The following DTNBP1 variants were observed in gnomAD, a reference collection of about 807,000 sequenced individuals.
DTNBP1 encodes dysbindin.
In DTNBP1, 35 loss-of-function variants were observed where a neutral mutation model predicts 42.8. The observed-to-expected ratio is 0.82, with a 90% CI of 0.63 to 1.09. The LOEUF (loss-of-function observed/expected upper bound fraction) is 1.09. DTNBP1 is among the 50% of genes least tolerant of loss of function. DTNBP1 has a pLI of 0.00. For missense variants in DTNBP1, 457 were observed against 424.2 expected (o/e 1.08, Z -0.68); for synonymous variants, 171 against 162.2 (o/e 1.05, Z -0.41).
chr6:15,547,290 A>G (rs1773938363), intron 7 of DTNBP1, among the ~76,000 whole-genome samples: 1 of 152,206 alleles, frequency 6.6e-6, no homozygotes, highest in Admixed American at 6.5e-5. Context: ...CAGCATCAAA[A>G]TCACCTACAG....
intron 3 of DTNBP1, among the ~76,000 whole-genome samples, chr6:15,641,286 A>C (rs1581426465): frequency 6.6e-6 from 1 of 152,226 alleles, no homozygotes; most frequent in Admixed American, 6.5e-5. Context: ...TTCTCAAAAA[A>C]TAGATCAAAG....
intron 6 of DTNBP1, among the ~76,000 whole-genome samples, chr6:15,611,335 A>C (rs1758384480): frequency 6.6e-6 from 1 of 152,240 alleles, no homozygotes; most frequent in Non-Finnish European, 1.5e-5. Context: ...CTCAGAAAAA[A>C]AAAACAAATT....
chr6:15,574,074 G>A (rs1211524019), intron 7 of DTNBP1, among the ~76,000 whole-genome samples: 2 of 152,158 alleles, frequency 1.3e-5, no homozygotes, highest in African/African-American at 2.4e-5. Flanking sequence ...TCATGTCTCG[G>A]GAGATGCTCA....
intron 9 of DTNBP1, 174 bp downstream of exon 9, chr6:15,524,352 C>G (rs766740714): frequency 6.2e-7 from 1 of 1,613,186 alleles, no homozygotes; most frequent in Non-Finnish European, 8.5e-7. Context: ...AACCACACCA[C>G]TGTTGCAGCT....
intron 6 of DTNBP1, among the ~76,000 whole-genome samples, chr6:15,607,486 G>C (rs1758142066): frequency 6.6e-6 from 1 of 152,014 alleles, no homozygotes; most frequent in Non-Finnish European, 1.5e-5. Flanking sequence ...ATTTTTAGTA[G>C]AGATGGGGTT....
intron 8 of DTNBP1, among the ~76,000 whole-genome samples, chr6:15,530,151 G>A (rs942303807): frequency 6.6e-6 from 1 of 152,272 alleles, no homozygotes; most frequent in Non-Finnish European, 1.5e-5. Flanking sequence ...CATGTTCGCT[G>A]TAGAGTTTTT....
At chr6:15,585,988 C>T in intron 7 of DTNBP1, 1 of 1,292,706 alleles carries the variant, frequency 7.7e-7, no homozygotes, top group Non-Finnish European at 9.8e-7. Context: ...AAGCAAAATG[C>T]AAGCTCTCAG....
chr6:15,542,702 T>C (rs1773646175), intron 7 of DTNBP1, among the ~76,000 whole-genome samples: 1 of 152,034 alleles, frequency 6.6e-6, no homozygotes, highest in Non-Finnish European at 1.5e-5. Flanking sequence ...TTTGCATTTT[T>C]TTCTTTTTAG....
At chr6:15,634,813 C>A (rs902804204) in intron 4 of DTNBP1, among the ~76,000 whole-genome samples, 1 of 152,180 alleles carries the variant, frequency 6.6e-6, no homozygotes, top group African/African-American at 2.4e-5. Flanking sequence ...TTTAACCCCA[C>A]AAATTAGATA....
chr6:15,536,683 G>A (rs959572853), intron 7 of DTNBP1, among the ~76,000 whole-genome samples: 1 of 152,248 alleles, frequency 6.6e-6, no homozygotes, highest in Non-Finnish European at 1.5e-5. Context: ...TAAATGTGGG[G>A]TTGCTGCCCC....
At chr6:15,538,329 GAGC>G (rs1236611780) in intron 7 of DTNBP1, among the ~76,000 whole-genome samples, 1 of 152,170 alleles carries the variant, frequency 6.6e-6, no homozygotes, top group Non-Finnish European at 1.5e-5. Context: ...CTGGGGCTGA[GAGC>G]ATCCCCGGGC....
intron 1 of DTNBP1, among the ~76,000 whole-genome samples, chr6:15,657,394 A>G (rs766276747): frequency 6.6e-6 from 1 of 152,032 alleles, no homozygotes; most frequent in Non-Finnish European, 1.5e-5. Flanking sequence ...CACCTTTTTC[A>G]TCTCCCACTG....
chr6:15,570,553 G>A (rs974944134), intron 7 of DTNBP1, among the ~76,000 whole-genome samples: 1 of 152,210 alleles, frequency 6.6e-6, no homozygotes, highest in Non-Finnish European at 1.5e-5. Context: ...ACCTGGCTGG[G>A]AACCAGGGTG....
At chr6:15,543,452 T>C (rs1773694586) in intron 7 of DTNBP1, among the ~76,000 whole-genome samples, 1 of 152,316 alleles carries the variant, frequency 6.6e-6, no homozygotes, top group African/African-American at 2.4e-5. Context: ...ATGCATAGCC[T>C]TGTGTAAGCA....
chr6:15,579,166 T>A (rs888497621), intron 7 of DTNBP1, among the ~76,000 whole-genome samples: 1 of 152,134 alleles, frequency 6.6e-6, no homozygotes, highest in African/African-American at 2.4e-5. Flanking sequence ...GACAGATGAA[T>A]GGATAAAGAA....
At chr6:15,529,932 C>T (rs1339980694) in intron 8 of DTNBP1, among the ~76,000 whole-genome samples, 1 of 152,282 alleles carries the variant, frequency 6.6e-6, no homozygotes, top group Admixed American at 6.5e-5. Flanking sequence ...CTCCCGGCAC[C>T]GCCTTCAGTC....
At chr6:15,641,425 C>T (rs866143009) in intron 3 of DTNBP1, among the ~76,000 whole-genome samples, 44 of 152,242 alleles carry the variant, frequency 2.9e-4, no homozygotes, top group African/African-American at 1.0e-3. Flanking sequence ...GATTGACCCT[C>T]AAGGACCTTG....
chr6:15,627,367 A>C lies in DTNBP1; in HGVS notation c.331T>G (p.Leu111Val). The change falls in exon 5 of 10, where the codon TTA (leucine) becomes GTA (valine). Residue 111 changes from leucine (L) to valine (V), a missense_variant. By Grantham distance (32) the Leu-to-Val change is conservative. Coordinates refer to ENST00000344537, the MANE Select transcript of DTNBP1 (RefSeq NM_032122.5). The part of the protein sequence containing the change: ...LQQLPALIAD[L>V]ESMTANLTHL... ...CTCAGATTTGCTGTCATGGATTCTA[A>C]GTCTGCGATTAAAGCTGGGAGCTGC... 6.2e-7 allele frequency: 1 copy of C among 1,613,664 alleles called. No homozygotes were observed. The highest frequency in any genetic ancestry group is 1.3e-5 in the African/African-American group (1 of 75,036).
chr6:15,651,412 A>C, intron 2 of DTNBP1, 49 bp from the exon 3 acceptor site: 1 of 544,588 alleles, frequency 1.8e-6, no homozygotes, highest in South Asian at 3.6e-5. Context: ...TAGCCAACTG[A>C]AAAAAAAAAA....
Sources: allele counts gnomAD v4.1 joint callset (sites outside exome capture counted in the v4.1 genomes callset), GRCh38; gene constraint gnomAD v4.1.1; transcripts MANE v1.5; gene names NCBI Gene and HGNC (gene_info 2026-07-23, HGNC 2026-07-21).